Variants in CPLX1 observed in about 807,000 individuals in gnomAD.
CPLX1 encodes complexin 1, also known as complexin-1.
In CPLX1, 6 loss-of-function variants were observed where a neutral mutation model predicts 15.6. The observed-to-expected ratio is 0.39, with a 90% CI of 0.21 to 0.76. The LOEUF (loss-of-function observed/expected upper bound fraction) is 0.76. Among genes scored for constraint, CPLX1 ranks in the 30% least tolerant of loss-of-function variants. CPLX1 has a pLI of 0.43. For synonymous variants in CPLX1, 91 were observed against 75.2 expected (o/e 1.21, Z -1.08); for missense variants, 242 against 188.6 (o/e 1.28, Z -1.66).
intron 2 of CPLX1, among the ~76,000 whole-genome samples, chr4:815,034 C>T (rs975781870): frequency 2.6e-5 from 4 of 152,076 alleles, no homozygotes; most frequent in Non-Finnish European, 4.4e-5. Context: ...GTAAAGAGAA[C>T]GAACATTTAG....
At chr4:789,531 T>C (rs1362725348) in intron 3 of CPLX1, among the ~76,000 whole-genome samples, 1 of 152,152 alleles carries the variant, frequency 6.6e-6, no homozygotes, top group Non-Finnish European at 1.5e-5. Flanking sequence ...ATGCAATGTA[T>C]TGAGGGAGCC....
At chr4:818,426 G>A (rs542551130) in intron 2 of CPLX1, among the ~76,000 whole-genome samples, 5 of 152,394 alleles carry the variant, frequency 3.3e-5, no homozygotes, top group East Asian at 3.9e-4. Context: ...CGGGCCCAGC[G>A]TCTGATGCAC....
intron 2 of CPLX1, among the ~76,000 whole-genome samples, chr4:801,459 A>G (rs1384447455): frequency 6.6e-6 from 1 of 152,262 alleles, no homozygotes; most frequent in East Asian, 1.9e-4. Context: ...AACTAAGTAT[A>G]GTCATGGACC....
chr4:791,365 G>A (rs560211093), intron 3 of CPLX1, among the ~76,000 whole-genome samples: 1 of 152,208 alleles, frequency 6.6e-6, no homozygotes, highest in Non-Finnish European at 1.5e-5. Context: ...GGGGGGCTGC[G>A]AGGGACCGGA....
intron 2 of CPLX1, among the ~76,000 whole-genome samples, chr4:812,373 A>C (rs1015537024): frequency 6.6e-6 from 1 of 152,124 alleles, no homozygotes; most frequent in Non-Finnish European, 1.5e-5. Context: ...CACCGCACCC[A>C]GCAGAGTCTT....
At chr4:815,584 G>A (rs562788498) in intron 2 of CPLX1, among the ~76,000 whole-genome samples, 5 of 152,278 alleles carry the variant, frequency 3.3e-5, no homozygotes, top group African/African-American at 7.2e-5. Flanking sequence ...AGGTTAACAC[G>A]TGGCATCTGA....
chr4:824,665 A>G, intron 1 of CPLX1, 64 bp from the exon 2 acceptor site: 1 of 876,016 alleles, frequency 1.1e-6, no homozygotes. Context: ...TTCCCCAGAG[A>G]CCATCATTCC....
intron 2 of CPLX1, among the ~76,000 whole-genome samples, chr4:818,942 A>G (rs1746811597): frequency 6.6e-6 from 1 of 152,226 alleles, no homozygotes; most frequent in Non-Finnish European, 1.5e-5. Context: ...CCAGGCACTC[A>G]GTGTCCCCCT....
chr4:822,041 C>G (rs925380111), intron 2 of CPLX1, among the ~76,000 whole-genome samples: 3 of 152,216 alleles, frequency 2.0e-5, no homozygotes, highest in Non-Finnish European at 4.4e-5. Context: ...CTGGCCCTGA[C>G]TCCTCTTAGC....
intron 2 of CPLX1, among the ~76,000 whole-genome samples, chr4:819,235 A>G (rs981417318): frequency 3.9e-5 from 6 of 152,270 alleles, no homozygotes; most frequent in African/African-American, 1.4e-4. Context: ...TAACTTTGTC[A>G]GTTGAAGTGC....
At chr4:822,914 A>G (rs1409028444) in intron 2 of CPLX1, among the ~76,000 whole-genome samples, 1 of 152,068 alleles carries the variant, frequency 6.6e-6, no homozygotes, top group Non-Finnish European at 1.5e-5. Flanking sequence ...TCTGGGAAGC[A>G]CTCAGCGTGG....
Position 805,028 on chromosome 4 carries a change from C to T in CPLX1, c.32-12420G>A, listed in dbSNP as rs889674411. 64 of 751,824 alleles carry T rather than the reference C, an allele frequency of 8.5e-5. No homozygotes were observed. The African/African-American group carries it at 1.1e-3, about 13-fold the overall frequency. 46.6% of individuals were successfully genotyped at this position (751,824 alleles called of 1,614,324 possible). On this transcript the variant is annotated intron_variant, in intron 2 of 3. Coordinates refer to ENST00000304062, the MANE Select transcript of CPLX1 (RefSeq NM_006651.4). Reference sequence around the variant, plus strand: ...AACGTGCCCACGCACGCTCGCGCACCGTCTGTCTCGGCAGCGGCCCTGGCG... The same window carrying T: ...AACGTGCCCACGCACGCTCGCGCACTGTCTGTCTCGGCAGCGGCCCTGGCG...
chr4:800,706 G>T (rs1746434816), intron 2 of CPLX1, among the ~76,000 whole-genome samples: 1 of 118,306 alleles, frequency 8.5e-6, no homozygotes, highest in Non-Finnish European at 1.7e-5. Context: ...GGGCAAAATG[G>T]GGAAACCCCG....
intron 2 of CPLX1, among the ~76,000 whole-genome samples, chr4:805,938 G>A (rs1415293428): frequency 1.3e-5 from 2 of 152,170 alleles, no homozygotes; most frequent in South Asian, 2.1e-4. Context: ...TGGTGGGTGC[G>A]AGGGGCTGGG....
chr4:824,244 A>C (rs904842218), intron 2 of CPLX1, among the ~76,000 whole-genome samples: 6 of 152,202 alleles, frequency 3.9e-5, no homozygotes, highest in African/African-American at 1.4e-4. Flanking sequence ...AGTGGGGCAG[A>C]GTGAGCTTAC....
rs766443850 is a variant in CPLX1 at position 804,968 on chromosome 4, G to A, written c.32-12360C>T. On this transcript the variant is annotated intron_variant, in intron 2 of 3. Coordinates refer to ENST00000304062, the MANE Select transcript of CPLX1 (RefSeq NM_006651.4). ...TTCACCCGGCGTCCCACTCCTGCGC[G>A]GCGGCCGGCTAGGGCGGGTGCTCCT... 6.1e-6 allele frequency: 6 copies of A among 983,650 alleles called. No homozygotes were observed. The African/African-American group carries it at 7.0e-5, about 11-fold the overall frequency. The allele number at this position is 983,650 out of a possible 1,614,324, so 60.9% of individuals were successfully genotyped here.
intron 2 of CPLX1, among the ~76,000 whole-genome samples, chr4:806,695 T>C (rs1280699257): frequency 6.6e-6 from 1 of 152,054 alleles, no homozygotes; most frequent in East Asian, 1.9e-4. Context: ...ACGAAAGACA[T>C]TTATGCAGCC....
chr4:803,289 T>C (rs915702557), intron 2 of CPLX1, among the ~76,000 whole-genome samples: 5 of 152,194 alleles, frequency 3.3e-5, no homozygotes, highest in Non-Finnish European at 4.4e-5. Context: ...CATGAAAAGA[T>C]AAGACACAGT....
At chr4:808,736 AAAT>A (rs1203014579) in intron 2 of CPLX1, among the ~76,000 whole-genome samples, 3 of 152,256 alleles carry the variant, frequency 2.0e-5, no homozygotes, top group African/African-American at 7.2e-5. Flanking sequence ...TAAGATGGTC[AAAT>A]AATATTTTAC....
Sources: gnomAD v4.1 joint callset for allele counts (sites outside exome capture counted in the v4.1 genomes callset) on GRCh38, gnomAD v4.1.1 for gene constraint, MANE v1.5 for transcripts, NCBI Gene and HGNC (gene_info 2026-07-23, HGNC 2026-07-21) for gene names.